KANSL1L: variants seen among roughly 807,000 people sequenced by gnomAD.
The protein encoded by KANSL1L is KAT8 regulatory NSL complex subunit 1 like.
In KANSL1L, 25 loss-of-function variants were observed where a neutral mutation model predicts 108.6. That is an observed-to-expected ratio of 0.23 (90% CI 0.17 to 0.32). The LOEUF is 0.32. Ranked by LOEUF, KANSL1L falls within the 10% of genes least tolerant of loss-of-function variation. The pLI, the probability that KANSL1L is intolerant of heterozygous loss-of-function variation, is 1.00. For missense variants in KANSL1L, 1,137 were observed against 1,125.7 expected (o/e 1.01, Z -0.14); for synonymous variants, 405 against 395.1 (o/e 1.03, Z -0.30).
chr2:210,097,214 C>T (rs2094745510), intron 5 of KANSL1L: 2 of 961,988 alleles, frequency 2.1e-6, no homozygotes, highest in Non-Finnish European at 2.5e-6. Flanking sequence ...TATTTTAAGA[C>T]TTTGTTTACA....
chr2:210,161,906 G>A (rs957774656), intron 1 of KANSL1L, among the ~76,000 whole-genome samples: 19 of 151,362 alleles, frequency 1.3e-4, no homozygotes, highest in African/African-American at 4.6e-4. Flanking sequence ...AAGTTTGTGG[G>A]TACAAAGATG....
chr2:210,079,632 A>ATGTATGTG (rs1559539550), intron 5 of KANSL1L, among the ~76,000 whole-genome samples: 3 of 6,754 alleles, frequency 4.4e-4, no homozygotes, highest in East Asian at 0.062. Context: ...ATATATATAT[A>ATGTATGTG]TATATATATA....
intron 5 of KANSL1L, among the ~76,000 whole-genome samples, chr2:210,084,834 T>A (rs1366889669): frequency 6.6e-6 from 1 of 152,066 alleles, no homozygotes; most frequent in Non-Finnish European, 1.5e-5. Context: ...ATGGTCTCGA[T>A]CTCTTGACCT....
At chr2:210,028,092 A>G (rs973868126) in intron 11 of KANSL1L, among the ~76,000 whole-genome samples, 4 of 152,166 alleles carry the variant, frequency 2.6e-5, no homozygotes, top group Non-Finnish European at 5.9e-5. Context: ...TGATTTCTAA[A>G]AAGTTTGGCT....
At chr2:210,087,119 C>T (rs2094645459) in intron 5 of KANSL1L, among the ~76,000 whole-genome samples, 2 of 151,752 alleles carry the variant, frequency 1.3e-5, no homozygotes, top group African/African-American at 4.8e-5. Context: ...GCCCTGACCT[C>T]CTGGGACCAA....
At chr2:210,043,338 A>G (rs564448546) in intron 7 of KANSL1L, 28 of 154,384 alleles carry the variant, frequency 1.8e-4, no homozygotes, top group East Asian at 3.8e-4. Context: ...GCAGTGAGCT[A>G]TGTTCACGCC....
At chr2:210,114,605 T>C (rs2094937216) in intron 3 of KANSL1L, among the ~76,000 whole-genome samples, 1 of 152,184 alleles carries the variant, frequency 6.6e-6, no homozygotes, top group Non-Finnish European at 1.5e-5. Context: ...CCTTGCTTTC[T>C]ACATGATTTA....
chr2:210,063,873 G>A (rs2094443068), intron 6 of KANSL1L: 1 of 152,166 alleles, frequency 6.6e-6, no homozygotes, highest in African/African-American at 2.4e-5. Context: ...AAGACTTTGG[G>A]GGACTGCTGG....
chr2:210,163,840 T>C (rs889422063), intron 1 of KANSL1L, among the ~76,000 whole-genome samples: 5 of 152,178 alleles, frequency 3.3e-5, no homozygotes, highest in African/African-American at 1.2e-4. Context: ...AGGTGTTATG[T>C]GTTCACTCAT....
intron 1 of KANSL1L, among the ~76,000 whole-genome samples, chr2:210,166,820 T>A (rs1688001806): frequency 6.6e-6 from 1 of 152,014 alleles, no homozygotes; most frequent in East Asian, 1.9e-4. Flanking sequence ...GGTCAAATAA[T>A]AAATTATTTC....
intron 5 of KANSL1L, among the ~76,000 whole-genome samples, chr2:210,078,282 T>C (rs1047747255): frequency 6.6e-6 from 1 of 152,226 alleles, no homozygotes; most frequent in Non-Finnish European, 1.5e-5. Flanking sequence ...CACTGTTGTA[T>C]ATGTGGTCCT....
In KANSL1L at chr2:210,143,483, T is replaced by C. The variant is rs181866670; in HGVS notation, c.1088+10012A>G. ...GATAGGTAAAGGTTTATTATTGCCT[T>C]TGTGTTCACTGTTTTCTGTTTTCGT... On this transcript the variant is annotated intron_variant, in intron 2 of 14. Transcript: ENST00000281772. 2.0e-5 allele frequency among the ~76,000 whole-genome samples: 3 copies of C among 152,302 alleles called. No individual in the cohort carries two copies. The East Asian group carries it at 5.8e-4, about 29-fold the overall frequency.
chr2:210,029,051 T>G, intron 10 of KANSL1L, 82 bp from the exon 11 acceptor site: 1 of 1,175,316 alleles, frequency 8.5e-7, no homozygotes, highest in Non-Finnish European at 1.2e-6. Context: ...TATGTAAATA[T>G]GGCAGTACAC....
intron 3 of KANSL1L, among the ~76,000 whole-genome samples, chr2:210,116,744 A>G (rs2094958050): frequency 6.6e-6 from 1 of 152,204 alleles, no homozygotes; most frequent in African/African-American, 2.4e-5. Flanking sequence ...GGGTGTTTCA[A>G]TATCTAGAAA....
intron 1 of KANSL1L, among the ~76,000 whole-genome samples, chr2:210,164,905 A>C (rs1575652109): frequency 7.0e-6 from 1 of 143,336 alleles, no homozygotes; most frequent in African/African-American, 2.6e-5. Flanking sequence ...TCGCCCCGCC[A>C]CCTAGGCTGG....
intron 2 of KANSL1L, among the ~76,000 whole-genome samples, chr2:210,142,267 T>A (rs1311324257): frequency 6.6e-6 from 1 of 152,084 alleles, no homozygotes; most frequent in East Asian, 1.9e-4. Flanking sequence ...CATTTTTAGG[T>A]TATCCAATTT....
intron 6 of KANSL1L, among the ~76,000 whole-genome samples, chr2:210,075,318 A>G (rs1415354305): frequency 1.3e-5 from 2 of 152,208 alleles, no homozygotes; most frequent in Non-Finnish European, 2.9e-5. Flanking sequence ...TCTTTAAAAA[A>G]ACTGGGGATG....
At chr2:210,062,077 TTG>T (rs1372639640) in intron 6 of KANSL1L, among the ~76,000 whole-genome samples, 1 of 152,218 alleles carries the variant, frequency 6.6e-6, no homozygotes, top group Non-Finnish European at 1.5e-5. Context: ...TATGGTTTAG[TTG>T]TGTCCCCACC....
At chr2:210,158,869 T>C (rs1380351467) in intron 1 of KANSL1L, among the ~76,000 whole-genome samples, 3 of 152,216 alleles carry the variant, frequency 2.0e-5, no homozygotes, top group African/African-American at 4.8e-5. Context: ...TATCTAGATA[T>C]ATAATCATTT....
Sources: allele counts gnomAD v4.1 joint callset (sites outside exome capture counted in the v4.1 genomes callset), GRCh38; gene constraint gnomAD v4.1.1; transcripts MANE v1.5; gene names NCBI Gene and HGNC (gene_info 2026-07-23, HGNC 2026-07-21).